RXRA: variants seen among roughly 807,000 people sequenced by gnomAD.
RXRA encodes retinoic acid receptor RXR-alpha.
RXRA carries 5 observed loss-of-function variants against 44.5 expected under a neutral mutation model. The observed-to-expected ratio is 0.11, with a 90% CI of 0.06 to 0.24. The LOEUF (loss-of-function observed/expected upper bound fraction) is 0.24. Ranked by LOEUF, RXRA falls within the 10% of genes least tolerant of loss-of-function variation. The pLI, the probability that RXRA is intolerant of heterozygous loss-of-function variation, is 1.00. For missense variants in RXRA, 412 were observed against 646.5 expected (o/e 0.64, Z 3.93); for synonymous variants, 291 against 271.4 (o/e 1.07, Z -0.71).
chr9:134,349,725 C>T lies in RXRA; in HGVS notation c.28+23066C>T, dbSNP rs952684992. 1.5e-4 allele frequency among the ~76,000 whole-genome samples: 22 copies of T among 149,948 alleles called. No homozygotes were observed. Among genetic ancestry groups the T allele is most frequent in the Non-Finnish European group, 3.0e-4 (20 of 67,492 alleles). On this transcript the variant is annotated intron_variant, in intron 1 of 9. Coordinates refer to ENST00000481739, the MANE Select transcript of RXRA (RefSeq NM_002957.6). This position sits in a 1 kb window ranked among gnomAD's most constrained non-coding sequence, Gnocchi z 4.3. ...AGCTGAATGCCTGTCTCCCTGGAGG[C>T]GCAGGGCTGTGCACAGGATTCCCCA...
intron 1 of RXRA, among the ~76,000 whole-genome samples, chr9:134,369,251 AGGG>A (rs1273335841): frequency 5.2e-5 from 1 of 19,388 alleles, no homozygotes; most frequent in Non-Finnish European, 8.7e-5. Flanking sequence ...ATATGTGTGT[AGGG>A]GGGTTGTGTG....
intron 1 of RXRA, among the ~76,000 whole-genome samples, chr9:134,384,033 TCTC>T (rs1830683083): frequency 6.6e-6 from 1 of 152,066 alleles, no homozygotes; most frequent in African/African-American, 2.4e-5. Context: ...AAGCCTATCT[TCTC>T]CTCACTAGAG....
In RXRA at chr9:134,426,796, T is replaced by C. The variant is rs1831441768; in HGVS notation, c.911-2312T>C. 1.0e-6 allele frequency: 1 copy of C among 985,202 alleles called. No homozygotes were observed. Among genetic ancestry groups the C allele is most frequent in the Non-Finnish European group, 1.2e-6 (1 of 829,890 alleles). 61.0% of individuals were successfully genotyped at this position (985,202 alleles called of 1,614,324 possible). On this transcript the variant is annotated intron_variant, in intron 6 of 9. Coordinates refer to ENST00000481739, the MANE Select transcript of RXRA (RefSeq NM_002957.6). This position sits in a 1 kb window ranked among gnomAD's most constrained non-coding sequence, Gnocchi z 4.6. ...CCGAGAGGCCAGGACTGGCCAGGGA[T>C]GGTGGGTTTGGGGCCAGTTGTGCCC...
At chr9:134,411,261 G>T (rs1192822818) in intron 4 of RXRA, among the ~76,000 whole-genome samples, 1 of 152,160 alleles carries the variant, frequency 6.6e-6, no homozygotes, top group African/African-American at 2.4e-5. Flanking sequence ...CCAGCTGCCT[G>T]GGCCCCCCAA....
chr9:134,343,791 C>T lies in RXRA; in HGVS notation c.28+17132C>T, dbSNP rs1470993999. Among the ~76,000 whole-genome samples the T allele has an allele frequency of 1.6e-4, 24 of 152,260 alleles. No individual in the cohort carries two copies. Among genetic ancestry groups the T allele is most frequent in the Admixed American group, 1.2e-3 (19 of 15,308 alleles). ...GCTGAGGGAGCCTGCGTTCTTCCTT[C>T]AAGCAGAGGATCTTCTGCAACTGTG... On this transcript the variant is annotated intron_variant, in intron 1 of 9. Transcript: ENST00000481739. This position sits in a 1 kb window ranked among gnomAD's most constrained non-coding sequence, Gnocchi z 4.1.
chr9:134,401,745 C>T lies in RXRA; in HGVS notation c.142C>T (p.His48Tyr), dbSNP rs573840253. 3 of 1,613,200 alleles carry T rather than the reference C, an allele frequency of 1.9e-6. No homozygotes were observed. The highest frequency in any genetic ancestry group is 1.7e-5 in the Admixed American group (1 of 60,028). ...TGGCATCGGCTCCCCGGGACAGCTG[C>T]ATTCTCCCATCAGCACCCTGAGCTC... ...GPGIGSPGQL[H>Y]SPISTLSSPI... is the part of the protein sequence containing the mutation. Residue 48 changes from histidine (H) to tyrosine (Y), a missense_variant, in exon 2 of 10, where the codon CAT becomes TAT. Physicochemically the swap from His to Tyr is moderately conservative, Grantham distance 83. This residue lies in a region of RXRA where 156 missense variants were observed against 177.2 expected (regional missense o/e 0.88). Transcript: ENST00000481739.
At chr9:134,422,887 C>G (rs961646790) in intron 6 of RXRA, 2 of 985,446 alleles carry the variant, frequency 2.0e-6, no homozygotes, top group African/African-American at 3.5e-5. Context: ...AGGAGAGCCA[C>G]GTGCTCTCTG....
At chr9:134,420,063 G>A (rs935619385) in intron 5 of RXRA, among the ~76,000 whole-genome samples, 18 of 152,172 alleles carry the variant, frequency 1.2e-4, no homozygotes, top group African/African-American at 3.9e-4. Context: ...TCTGGGCCCC[G>A]TCTTGGCTTC....
intron 1 of RXRA, among the ~76,000 whole-genome samples, chr9:134,371,000 C>A (rs1830484747): frequency 6.6e-6 from 1 of 151,842 alleles, no homozygotes; most frequent in African/African-American, 2.4e-5. Flanking sequence ...GGGGAAGAGG[C>A]CGCATCAGCC....
In RXRA at chr9:134,437,205, G is replaced by C. The variant is rs1162671713; in HGVS notation, c.*591G>C. ...TCGTGGGGCAAGCAAGCTGCCCTGT[G>C]CTCTGAGTGAGGGGGAAGGTAGCCC... On this transcript the variant is annotated 3_prime_UTR_variant, in exon 10 of 10. Coordinates refer to ENST00000481739, the MANE Select transcript of RXRA (RefSeq NM_002957.6). 6.4e-6 allele frequency: 1 copy of C among 155,350 alleles called. No homozygotes were observed. The highest frequency in any genetic ancestry group is 1.4e-5 in the Non-Finnish European group (1 of 69,682). 9.6% of individuals were successfully genotyped at this position (155,350 alleles called of 1,614,324 possible).
rs578002995 is a variant in RXRA, at chr9:134,364,051, C to T, written c.28+37392C>T. ...GCCCATGTTTCCATGGTGGGCATAC[C>T]GGGTCTGCACCAGGTTTCTCCTCTC... On this transcript the variant is annotated intron_variant, in intron 1 of 9. Coordinates refer to ENST00000481739, the MANE Select transcript of RXRA (RefSeq NM_002957.6). Among the ~76,000 whole-genome samples, 13 of 152,032 alleles carry T rather than the reference C, an allele frequency of 8.6e-5. No individual in the cohort carries two copies. The East Asian group carries it at 9.7e-4, about 11-fold the overall frequency.
At chr9:134,377,677 A>G (rs1273813974) in intron 1 of RXRA, among the ~76,000 whole-genome samples, 2 of 152,216 alleles carry the variant, frequency 1.3e-5, no homozygotes, top group African/African-American at 4.8e-5. Context: ...TGTGGGGGTC[A>G]GGGAGGAGCA....
intron 1 of RXRA, among the ~76,000 whole-genome samples, chr9:134,348,082 G>A (rs916776837): frequency 2.6e-5 from 4 of 152,158 alleles, no homozygotes; most frequent in Non-Finnish European, 4.4e-5. Context: ...GAGGGCTTGG[G>A]GTGACCATGT....
intron 1 of RXRA, among the ~76,000 whole-genome samples, chr9:134,348,482 G>A (rs1554749087): frequency 1.3e-5 from 2 of 151,248 alleles, no homozygotes; most frequent in African/African-American, 4.9e-5. Flanking sequence ...GTCCCCCAGG[G>A]CCCATGTGGC....
chr9:134,430,356 C>G (rs1470449910), intron 7 of RXRA, among the ~76,000 whole-genome samples: 1 of 152,186 alleles, frequency 6.6e-6, no homozygotes, highest in Non-Finnish European at 1.5e-5. Flanking sequence ...GAGCAGGCCA[C>G]CTGGAGAACG....
At chr9:134,339,936 C>T (rs1185256370) in intron 1 of RXRA, among the ~76,000 whole-genome samples, 1 of 151,756 alleles carries the variant, frequency 6.6e-6, no homozygotes, top group Non-Finnish European at 1.5e-5. Context: ...TGTGAGTGTG[C>T]ACGCCTGTGC....
At chr9:134,344,777 G>A (rs1830130299) in intron 1 of RXRA, among the ~76,000 whole-genome samples, 1 of 152,190 alleles carries the variant, frequency 6.6e-6, no homozygotes, top group Non-Finnish European at 1.5e-5. Flanking sequence ...TCTGACCGGT[G>A]TCTGTCTGTG....
rs994662401 is a variant in RXRA at position 134,361,974 on chromosome 9, G to C, written c.28+35315G>C. ...TGCGCTGGGTTTCTGATGCCGCCGGGCTCCGGTCCTCCCCTCCTGCTGGGC... is the reference window on the plus strand; with the variant it reads ...TGCGCTGGGTTTCTGATGCCGCCGGCCTCCGGTCCTCCCCTCCTGCTGGGC... On this transcript the variant is annotated intron_variant, in intron 1 of 9. Transcript: ENST00000481739. Among the ~76,000 whole-genome samples, 5 of 152,174 alleles carry C rather than the reference G, an allele frequency of 3.3e-5. No homozygotes were observed. The South Asian group carries it at 1.0e-3, about 31-fold the overall frequency.
At chr9:134,394,432 G>A (rs1035960692) in intron 1 of RXRA, among the ~76,000 whole-genome samples, 1 of 152,280 alleles carries the variant, frequency 6.6e-6, no homozygotes, top group Admixed American at 6.5e-5. Context: ...TGCCCTGGGA[G>A]TTTGAGGTCA....
Sources: allele counts gnomAD v4.1 joint callset (sites outside exome capture counted in the v4.1 genomes callset), GRCh38; gene constraint gnomAD v4.1.1; regional missense constraint gnomAD v4.1.1; non-coding constraint Gnocchi (gnomAD v3.1); transcripts MANE v1.5; gene names NCBI Gene and HGNC (gene_info 2026-07-23, HGNC 2026-07-21).